STPG2: variants seen among roughly 807,000 people sequenced by gnomAD.
STPG2 encodes the protein sperm-tail PG-rich repeat-containing protein 2.
Under a neutral mutation model 54.2 loss-of-function variants are expected in STPG2, and 56 were observed. That is an observed-to-expected ratio of 1.03 (90% confidence interval 0.83 to 1.29). The LOEUF is 1.29. Ranked by LOEUF, STPG2 falls within the 50% of genes most tolerant of loss-of-function variation. The pLI is 0.00. For synonymous variants in STPG2, 200 were observed against 181.8 expected, an observed-to-expected ratio of 1.10 and a Z score of -0.81; for missense variants, 596 against 544.9, an observed-to-expected ratio of 1.09 and a Z score of -0.93.
intron 5 of STPG2, among the ~76,000 whole-genome samples, chr4:98,080,076 A>G (rs1229519223): frequency 6.6e-6 from 1 of 152,160 alleles, no homozygotes; most frequent in Non-Finnish European, 1.5e-5. Context: ...ATGTTAAAAT[A>G]GGTCCTTAGA....
At chr4:98,140,032 C>T (rs1384955569) in intron 1 of STPG2, among the ~76,000 whole-genome samples, 1 of 152,116 alleles carries the variant, frequency 6.6e-6, no homozygotes, top group Non-Finnish European at 1.5e-5. Context: ...AATCAAAGTG[C>T]TATAAAGGTC....
chr4:97,837,968 A>G (rs1167816181), intron 9 of STPG2, among the ~76,000 whole-genome samples: 1 of 151,564 alleles, frequency 6.6e-6, no homozygotes, highest in African/African-American at 2.4e-5. Context: ...ATAGATAGAA[A>G]GAAAACGATG....
intron 10 of STPG2, among the ~76,000 whole-genome samples, chr4:97,621,783 C>A (rs1734017640): frequency 6.6e-6 from 1 of 152,172 alleles, no homozygotes; most frequent in South Asian, 2.1e-4. Context: ...TCTATGAGGA[C>A]AGCATTATCC....
chr4:97,791,001 AC>A (rs758229223), intron 9 of STPG2, among the ~76,000 whole-genome samples: 59 of 152,150 alleles, frequency 3.9e-4, no homozygotes, highest in Non-Finnish European at 7.6e-4. Flanking sequence ...ATTCTACCAA[AC>A]TTTTGCATAC....
At chr4:97,547,051 G>GAAGA (rs1731848929) in intron 4 of STPG2, among the ~76,000 whole-genome samples, 2 of 152,150 alleles carry the variant, frequency 1.3e-5, no homozygotes, top group South Asian at 4.1e-4. Context: ...GCAAGAGTTA[G>GAAGA]AAGAGCTAGA....
chr4:98,110,344 G>A (rs773954732), intron 3 of STPG2, among the ~76,000 whole-genome samples: 43 of 152,118 alleles, frequency 2.8e-4, no homozygotes, highest in Non-Finnish European at 7.3e-5. Context: ...GGAGTTGCGC[G>A]AATGGGCTCA....
chr4:97,787,678 T>A (rs912582582), intron 9 of STPG2, among the ~76,000 whole-genome samples: 5 of 151,930 alleles, frequency 3.3e-5, no homozygotes, highest in South Asian at 2.1e-4. Context: ...TTATAAAAAA[T>A]TAGTAGAATC....
At chr4:98,138,442 T>A (rs1399528353) in intron 1 of STPG2, among the ~76,000 whole-genome samples, 3 of 151,976 alleles carry the variant, frequency 2.0e-5, no homozygotes, top group Non-Finnish European at 2.9e-5. Flanking sequence ...GGAAGATAAA[T>A]CAAACTGGTA....
intron 5 of STPG2, among the ~76,000 whole-genome samples, chr4:98,092,912 T>G (rs1738732395): frequency 6.6e-6 from 1 of 152,170 alleles, no homozygotes; most frequent in Non-Finnish European, 1.5e-5. Context: ...GTTTAGGATT[T>G]GCTCAAATGA....
intron 5 of STPG2, among the ~76,000 whole-genome samples, chr4:97,981,648 TA>T (rs995085025): frequency 1.3e-5 from 2 of 151,484 alleles, no homozygotes; most frequent in African/African-American, 4.8e-5. Flanking sequence ...TTAATATAAA[TA>T]AAAAACTATA....
chr4:97,957,111 G>A (rs28815774), intron 7 of STPG2, among the ~76,000 whole-genome samples: 1 of 138,270 alleles, frequency 7.2e-6, no homozygotes, highest in African/African-American at 2.8e-5. Context: ...AAATATACAT[G>A]TGAAATATAC....
At chr4:97,983,235 T>A (rs1370573881) in intron 5 of STPG2, among the ~76,000 whole-genome samples, 1 of 152,246 alleles carries the variant, frequency 6.6e-6, no homozygotes, top group Admixed American at 6.5e-5. Flanking sequence ...CTCTTCCTTG[T>A]GATTTTTTAA....
intron 8 of STPG2, among the ~76,000 whole-genome samples, chr4:97,928,737 T>C (rs1347064259): frequency 1.3e-5 from 2 of 152,166 alleles, no homozygotes; most frequent in Non-Finnish European, 2.9e-5. Context: ...CTGTTAACTC[T>C]GCATTATGAA....
chr4:97,783,741 C>T (rs998485684), intron 9 of STPG2, among the ~76,000 whole-genome samples: 4 of 152,138 alleles, frequency 2.6e-5, no homozygotes, highest in African/African-American at 9.7e-5. Context: ...TACTATGCAG[C>T]TATAAAAAAG....
At chr4:97,454,991 T>C (rs1729479352) in intron 4 of STPG2, among the ~76,000 whole-genome samples, 1 of 151,592 alleles carries the variant, frequency 6.6e-6, no homozygotes, top group African/African-American at 2.4e-5. Flanking sequence ...ACTTCAAGTC[T>C]TATTATACAG....
At chr4:97,733,327 A>G (rs1187677000) in intron 9 of STPG2, among the ~76,000 whole-genome samples, 3 of 152,146 alleles carry the variant, frequency 2.0e-5, no homozygotes, top group Non-Finnish European at 4.4e-5. Flanking sequence ...TCTAAGTGAA[A>G]TAACACAGGA....
intron 8 of STPG2, among the ~76,000 whole-genome samples, chr4:97,868,877 C>G (rs897289715): frequency 1.3e-5 from 2 of 151,852 alleles, no homozygotes; most frequent in Non-Finnish European, 2.9e-5. Flanking sequence ...AAAAGGTCAT[C>G]CTTACATTTT....
At chr4:97,443,786 G>A (rs1319831651) in intron 4 of STPG2, among the ~76,000 whole-genome samples, 2 of 152,008 alleles carry the variant, frequency 1.3e-5, no homozygotes, top group Non-Finnish European at 2.9e-5. Flanking sequence ...TTTTTCATGA[G>A]CAATATTCTA....
intron 10 of STPG2, among the ~76,000 whole-genome samples, chr4:97,694,773 A>C (rs1723506288): frequency 7.4e-6 from 1 of 134,636 alleles, no homozygotes; most frequent in South Asian, 2.6e-4. Context: ...AGATCATGCC[A>C]CTGTACTCCA....
Sources: gnomAD v4.1 joint callset for allele counts (sites outside exome capture counted in the v4.1 genomes callset) on GRCh38, gnomAD v4.1.1 for gene constraint, MANE v1.5 for transcripts, NCBI Gene and HGNC (gene_info 2026-07-23, HGNC 2026-07-21) for gene names.